Variants in PACRG observed in about 807,000 individuals in gnomAD.
PACRG encodes the protein parkin coregulated gene protein.
A neutral mutation model predicts 29.7 loss-of-function variants in PACRG; 29 were observed. That is an observed-to-expected ratio of 0.98 (90% CI 0.73 to 1.33). The LOEUF is 1.33. Among genes scored for constraint, PACRG ranks in the 40% most tolerant of loss-of-function variants. The probability of loss-of-function intolerance (pLI) is 0.00; values close to 1 mark genes in which losing one functional copy is unlikely to be tolerated. For synonymous variants in PACRG, 116 were observed against 118.7 expected, an observed-to-expected ratio of 0.98 and a Z score of 0.15; for missense variants, 279 against 316.2, an observed-to-expected ratio of 0.88 and a Z score of 0.89.
chr6:163,090,822 A>C (rs188286132), intron 4 of PACRG, among the ~76,000 whole-genome samples: 121 of 152,322 alleles, frequency 7.9e-4, no homozygotes, highest in Non-Finnish European at 1.3e-3. Flanking sequence ...AAAGAGATGG[A>C]AGCATCAGGG....
intron 4 of PACRG, among the ~76,000 whole-genome samples, chr6:163,284,643 T>C (rs1784331768): frequency 6.6e-6 from 1 of 152,208 alleles, no homozygotes; most frequent in African/African-American, 2.4e-5. Context: ...ATCACATAAG[T>C]GCTCTTCCAG....
chr6:163,085,887 AT>A (rs1650254279), intron 3 of PACRG, among the ~76,000 whole-genome samples: 1 of 152,208 alleles, frequency 6.6e-6, no homozygotes, highest in Non-Finnish European at 1.5e-5. Context: ...TACTTGCCTG[AT>A]TCATTTCTGT....
At chr6:162,960,056 T>G (rs975900401) in intron 2 of PACRG, among the ~76,000 whole-genome samples, 4 of 152,136 alleles carry the variant, frequency 2.6e-5, no homozygotes, top group African/African-American at 9.7e-5. Flanking sequence ...CACAATGAGG[T>G]ACCATCTCAC....
At chr6:163,018,531 A>G (rs1227577888) in intron 2 of PACRG, among the ~76,000 whole-genome samples, 4 of 152,148 alleles carry the variant, frequency 2.6e-5, no homozygotes, top group Admixed American at 2.0e-4. Context: ...CTTTGGCTCA[A>G]ATTTTTTTTC....
rs183829877 is a variant in PACRG, at chr6:163,272,447, A to T, written c.614-42380A>T. Among the ~76,000 whole-genome samples the T allele has an allele frequency of 6.7e-3, 1,015 of 152,214 alleles. 12 individuals are homozygous for T. Among genetic ancestry groups the T allele is most frequent in the African/African-American group, 0.023 (963 of 41,546 alleles). On this transcript the variant is annotated intron_variant, in intron 4 of 4. Transcript: ENST00000366888. The stretch of plus-strand genomic sequence containing the variant: ...AAAATTTACAATCCTCCTAAATGTG[A>T]CTATATTACCTTCTCCTTCCCAAGT...
At chr6:163,222,277 C>T (rs779328242) in intron 4 of PACRG, among the ~76,000 whole-genome samples, 12 of 152,300 alleles carry the variant, frequency 7.9e-5, no homozygotes, top group East Asian at 1.9e-4. Flanking sequence ...CGCAACCAAC[C>T]GTGTTCCTGG....
intron 4 of PACRG, among the ~76,000 whole-genome samples, chr6:163,221,075 G>A (rs1296374796): frequency 6.6e-6 from 1 of 152,066 alleles, no homozygotes; most frequent in African/African-American, 2.4e-5. Context: ...AAATCCTAAT[G>A]GAAATCAAGC....
chr6:162,790,563 T>C (rs1584365443), intron 1 of PACRG, among the ~76,000 whole-genome samples: 1 of 152,196 alleles, frequency 6.6e-6, no homozygotes, highest in African/African-American at 2.4e-5. Flanking sequence ...GTTAATTCTT[T>C]TAATCTTACC....
intron 1 of PACRG, among the ~76,000 whole-genome samples, chr6:162,792,975 A>G (rs1208737166): frequency 6.6e-6 from 1 of 152,154 alleles, no homozygotes; most frequent in East Asian, 1.9e-4. Flanking sequence ...TTGGTTGGCC[A>G]TGAGTATAGG....
intron 2 of PACRG, among the ~76,000 whole-genome samples, chr6:162,895,683 C>T (rs924633268): frequency 6.6e-6 from 1 of 152,146 alleles, no homozygotes. Context: ...ACCTGCAATA[C>T]TTTTTACATA....
At position 162,815,182 on chromosome 6, in the gene PACRG, T is replaced by C. The variant is rs1383768021; in HGVS notation, c.291+901T>C. On this transcript the variant is annotated intron_variant, in intron 2 of 4. Coordinates refer to ENST00000366888, the MANE Select transcript of PACRG (RefSeq NM_001080379.2). ...TCAGGTTAAGGACAAGAAAAGGTTT[T>C]GGCCAACTATTAGTTAAATTAAGCA... Among the ~76,000 whole-genome samples the C allele has an allele frequency of 3.3e-5, 5 of 152,134 alleles. No homozygotes were observed. In the East Asian group the frequency reaches 9.6e-4, roughly 29 times the overall value.
At chr6:162,966,706 G>A (rs773092369) in intron 2 of PACRG, among the ~76,000 whole-genome samples, 6 of 152,154 alleles carry the variant, frequency 3.9e-5, no homozygotes, top group Non-Finnish European at 8.8e-5. Context: ...TCGATCTCCT[G>A]ACCTCGTGAT....
intron 2 of PACRG, among the ~76,000 whole-genome samples, chr6:163,031,331 C>A (rs1325578277): frequency 6.6e-6 from 1 of 152,206 alleles, no homozygotes; most frequent in Non-Finnish European, 1.5e-5. Flanking sequence ...GTTGCTAGAT[C>A]ATTCCAGTAC....
intron 4 of PACRG, among the ~76,000 whole-genome samples, chr6:163,208,632 C>T (rs1221920189): frequency 1.3e-5 from 2 of 152,170 alleles, no homozygotes; most frequent in East Asian, 3.8e-4. Context: ...GATTTTAGTG[C>T]AGTGGCTCCT....
intron 4 of PACRG, among the ~76,000 whole-genome samples, chr6:163,259,382 C>T (rs575692410): frequency 1.9e-4 from 29 of 152,176 alleles, no homozygotes; most frequent in Non-Finnish European, 3.4e-4. Context: ...TGTAGAACCC[C>T]ATTGCTCCTT....
At chr6:163,279,868 T>TTATTCCTATG (rs774160603) in intron 4 of PACRG, among the ~76,000 whole-genome samples, 1 of 152,226 alleles carries the variant, frequency 6.6e-6, no homozygotes, top group Non-Finnish European at 1.5e-5. Flanking sequence ...TGAAGATAGA[T>TTATTCCTATG]TATTCCTATG....
intron 2 of PACRG, among the ~76,000 whole-genome samples, chr6:162,938,028 A>C (rs1046830808): frequency 1.3e-5 from 2 of 152,232 alleles, no homozygotes; most frequent in South Asian, 2.1e-4. Context: ...CACAGTTTAT[A>C]GACTTTTATC....
rs1044505450 is a variant in PACRG at position 162,798,495 on chromosome 6, T to C, written c.157-15652T>C. Among the ~76,000 whole-genome samples the C allele has an allele frequency of 5.9e-5, 9 of 152,332 alleles. 1 individual carries two copies. In the East Asian group the frequency reaches 1.7e-3, roughly 29 times the overall value. ...GCCTTATGTTAGCTGCTTTTGGTGGTCAGTTTTTCTCCTAATTTTACAGCA... is the reference window on the plus strand; with the variant it reads ...GCCTTATGTTAGCTGCTTTTGGTGGCCAGTTTTTCTCCTAATTTTACAGCA... On this transcript the variant is annotated intron_variant, in intron 1 of 4. Coordinates refer to ENST00000366888, the MANE Select transcript of PACRG (RefSeq NM_001080379.2).
chr6:162,797,075 G>A lies in PACRG; in HGVS notation c.157-17072G>A, dbSNP rs188948213. On this transcript the variant is annotated intron_variant, in intron 1 of 4. Transcript: ENST00000366888. The stretch of plus-strand genomic sequence containing the variant: ...GCAGATCAACTGAGGTCAGGAGTTC[G>A]AGACCAGACTGGCCAACATGGCGAC... Among the ~76,000 whole-genome samples the A allele has an allele frequency of 3.3e-5, 5 of 152,272 alleles. No individual in the cohort carries two copies. In the South Asian group the frequency reaches 8.3e-4, roughly 25 times the overall value.
Sources: allele counts gnomAD v4.1 joint callset (sites outside exome capture counted in the v4.1 genomes callset), GRCh38; gene constraint gnomAD v4.1.1; transcripts MANE v1.5; gene names NCBI Gene and HGNC (gene_info 2026-07-23, HGNC 2026-07-21).